The following NCOR1 variants were observed in gnomAD, a reference collection of about 807,000 sequenced individuals.
NCOR1 encodes protein phosphatase 1, regulatory subunit 109.
In NCOR1, 63 loss-of-function variants were observed where a neutral mutation model predicts 288.1. The observed-to-expected ratio is 0.22, with a 90% CI of 0.18 to 0.27. The LOEUF is 0.27. NCOR1 is among the 10% of genes least tolerant of loss of function. NCOR1 has a pLI of 1.00. For missense variants in NCOR1, 2,397 were observed against 3,019.2 expected, an observed-to-expected ratio of 0.79 and a Z score of 4.83; for synonymous variants, 1,007 against 1,065.9, an observed-to-expected ratio of 0.94 and a Z score of 1.08.
At chr17:16,160,786 C>T (rs1345249660) in intron 5 of NCOR1, among the ~76,000 whole-genome samples, 4 of 151,982 alleles carry the variant, frequency 2.6e-5, no homozygotes, top group African/African-American at 9.7e-5. Flanking sequence ...GGGGAGACTC[C>T]ATCTCAAAAA....
chr17:16,116,451 T>A (rs541876570), intron 18 of NCOR1, among the ~76,000 whole-genome samples: 11 of 152,362 alleles, frequency 7.2e-5, no homozygotes, highest in African/African-American at 2.6e-4. Context: ...TAGAGAAACA[T>A]ATTTTCCAAA....
intron 1 of NCOR1, among the ~76,000 whole-genome samples, chr17:16,214,699 T>C (rs1156790927): frequency 6.6e-6 from 1 of 152,098 alleles, no homozygotes; most frequent in Non-Finnish European, 1.5e-5. Flanking sequence ...AAGAATTCAG[T>C]CTCCTCTCCA....
At chr17:16,203,843 G>C (rs1388457332) in intron 1 of NCOR1, among the ~76,000 whole-genome samples, 1 of 152,154 alleles carries the variant, frequency 6.6e-6, no homozygotes, top group Non-Finnish European at 1.5e-5. Flanking sequence ...TTTGAACACA[G>C]GACAGAAAGT....
In NCOR1 at chr17:16,117,957, A is replaced by G; in HGVS notation, c.1986T>C (p.Cys662=). The G allele has an allele frequency of 6.2e-7, 1 of 1,613,970 alleles. No homozygotes were observed. Among genetic ancestry groups the G allele is most frequent in the Non-Finnish European group, 8.5e-7 (1 of 1,179,936 alleles). Residue 662 remains cysteine, a synonymous_variant, in exon 18 of 46, where the codon TGT becomes TGC. Transcript: ENST00000268712. ...TTTTATAGTTAAAATAGAAGTTTTT[A>G]CATTGAGCTTCACTTTTCGTTCCCA... The part of the protein sequence containing the change: ...KMVGTKSEAQ[C]KNFYFNYKRR...
rs139324503 is a variant in NCOR1 at position 16,156,174 on chromosome 17, G to A, written c.732+2586C>T. On this transcript the variant is annotated intron_variant, in intron 6 of 45. Coordinates refer to ENST00000268712, the MANE Select transcript of NCOR1 (RefSeq NM_006311.4). ...AAAGAGGCCTGGTGCAGTGGCTGAC[G>A]CCTGTAATCCCAACACTTTGGGAGG... Among the ~76,000 whole-genome samples the A allele has an allele frequency of 1.1e-3, 165 of 152,206 alleles. 3 individuals carry two copies. In the East Asian group the frequency reaches 0.031, roughly 28 times the overall value.
intron 10 of NCOR1, among the ~76,000 whole-genome samples, chr17:16,144,228 G>C (rs2153318301): frequency 6.6e-6 from 1 of 152,292 alleles, no homozygotes; most frequent in East Asian, 1.9e-4. Context: ...GCCATCAGCT[G>C]AATATAGTTT....
chr17:16,030,330 A>G lies in NCOR1; in HGVS notation c.*1966T>C, dbSNP rs1243406687. The G allele has an allele frequency of 8.9e-6, 2 of 223,712 alleles. No homozygotes were observed. The highest frequency in any genetic ancestry group is 5.7e-5 in the Admixed American group (1 of 17,450). 13.9% of individuals were successfully genotyped at this position (223,712 alleles called of 1,614,324 possible). On this transcript the variant is annotated 3_prime_UTR_variant, in exon 46 of 46. Coordinates refer to ENST00000268712, the MANE Select transcript of NCOR1 (RefSeq NM_006311.4). ...AGAGGTGGAAGAAAATCCATGTATA[A>G]GTGGACCCACACAGTTCAAACCCGT...
intron 21 of NCOR1, among the ~76,000 whole-genome samples, chr17:16,097,471 C>T (rs116523747): frequency 2.0e-5 from 3 of 152,334 alleles, no homozygotes; most frequent in Non-Finnish European, 2.9e-5. Flanking sequence ...ATGCACCCAT[C>T]ACCAATGGCC....
At chr17:16,042,578 T>G (rs1408394090) in intron 42 of NCOR1, among the ~76,000 whole-genome samples, 1 of 152,172 alleles carries the variant, frequency 6.6e-6, no homozygotes, top group African/African-American at 2.4e-5. Flanking sequence ...GCAATCCAGG[T>G]GACTGGTACC....
chr17:16,126,328 G>A (rs1731036434), intron 14 of NCOR1, 122 bp from the exon 15 acceptor site: 6 of 1,009,334 alleles, frequency 5.9e-6, no homozygotes, highest in South Asian at 4.8e-5. Flanking sequence ...CAATGTAACT[G>A]GTGATCGTGT....
chr17:16,034,729 T>G (rs980798335), intron 45 of NCOR1, 36 bp downstream of exon 45: 5 of 1,537,834 alleles, frequency 3.3e-6, no homozygotes, highest in Non-Finnish European at 4.4e-6. Context: ...ATATTATTGC[T>G]CTGTCTCATT....
chr17:16,097,493 C>T (rs1439819684), intron 21 of NCOR1, among the ~76,000 whole-genome samples: 4 of 152,200 alleles, frequency 2.6e-5, no homozygotes, highest in African/African-American at 7.2e-5. Flanking sequence ...ATGATTTAAT[C>T]ATTCATACCT....
Position 16,097,333 on chromosome 17 carries a change from A to G in NCOR1, c.2820+1034T>C, listed in dbSNP as rs2066821132. ...GCAATCCTCTTGCCTCAGCCTCCCAAATAGCTGGGAATACAGGGCTGGGAG... is the reference window on the plus strand; with the variant it reads ...GCAATCCTCTTGCCTCAGCCTCCCAGATAGCTGGGAATACAGGGCTGGGAG... On this transcript the variant is annotated intron_variant, in intron 21 of 45. Transcript: ENST00000268712. 2.0e-5 allele frequency among the ~76,000 whole-genome samples: 3 copies of G among 152,148 alleles called. No individual in the cohort carries two copies. In the South Asian group the frequency reaches 6.2e-4, roughly 32 times the overall value.
At chr17:16,096,711 A>G (rs1276870950) in intron 21 of NCOR1, among the ~76,000 whole-genome samples, 1 of 152,212 alleles carries the variant, frequency 6.6e-6, no homozygotes, top group African/African-American at 2.4e-5. Context: ...TGGTTATCTC[A>G]AAGAGTTTAC....
At chr17:16,196,162 T>TTA (rs1475024762) in intron 1 of NCOR1, among the ~76,000 whole-genome samples, 1 of 149,390 alleles carries the variant, frequency 6.7e-6, no homozygotes, top group Non-Finnish European at 1.5e-5. Context: ...ATATATAATT[T>TTA]TATATATATA....
rs2060849365 is a variant in NCOR1, at chr17:16,064,124, T to TTCTCCCGCTCCC, written c.5153_5164dup (p.Arg1718_Glu1721dup). The TTCTCCCGCTCCC allele has an allele frequency of 1.2e-6, 2 of 1,613,696 alleles. No homozygotes were observed. The highest frequency in any genetic ancestry group is 1.7e-6 in the Non-Finnish European group (2 of 1,179,728). ...AGCAATCCGTTCCCGCTCCCGCTCC[T>TTCTCCCGCTCCC]TCTCCCGCTCCCGTTCCCGTTCCCT... On this transcript the variant is annotated inframe_insertion, in exon 35 of 46. Coordinates refer to ENST00000268712, the MANE Select transcript of NCOR1 (RefSeq NM_006311.4).
chr17:16,081,189 CTTTTG>C (rs1222553010), intron 23 of NCOR1, among the ~76,000 whole-genome samples: 1 of 143,472 alleles, frequency 7.0e-6, no homozygotes, highest in East Asian at 2.0e-4. Context: ...CTTTTCTTTT[CTTTTG>C]TTTTTTTTGT....
At chr17:16,201,979 C>T (rs2090873954) in intron 1 of NCOR1, among the ~76,000 whole-genome samples, 1 of 152,154 alleles carries the variant, frequency 6.6e-6, no homozygotes, top group Admixed American at 6.6e-5. Flanking sequence ...GTCATTCCAG[C>T]ACTTTGGGAG....
Position 16,079,996 on chromosome 17 carries a change from T to C in NCOR1, c.3469A>G (p.Ser1157Gly). 2 of 1,614,078 alleles carry C rather than the reference T, an allele frequency of 1.2e-6. No homozygotes were observed. Among genetic ancestry groups the C allele is most frequent in the Non-Finnish European group, 8.5e-7 (1 of 1,179,974 alleles). ...ATAGAGCCCCGTAGGGATGGAATGC[T>C]CTCCACTGAAATTTTGCTGGTTGGA... ...GTPTSKISVE[S>G]IPSLRGSITQ... The change falls in exon 26 of 46, where the codon AGC (serine) becomes GGC (glycine). Residue 1157 changes from serine (S) to glycine (G), a missense_variant. Ser to Gly is a moderately conservative substitution (Grantham distance 56, BLOSUM62 0). Transcript: ENST00000268712.
Sources: gnomAD v4.1 joint callset for allele counts (sites outside exome capture counted in the v4.1 genomes callset) on GRCh38, gnomAD v4.1.1 for gene constraint, MANE v1.5 for transcripts, NCBI Gene and HGNC (gene_info 2026-07-23, HGNC 2026-07-21) for gene names.